The following MOB3B variants were observed in gnomAD, a reference collection of about 807,000 sequenced individuals.
MOB3B encodes the protein MOB kinase activator-like 2B.
A neutral mutation model predicts 18.7 loss-of-function variants in MOB3B; 7 were observed. The ratio of observed to expected loss-of-function variants is 0.37; its 90% CI spans 0.21 to 0.70. The LOEUF (loss-of-function observed/expected upper bound fraction) is 0.70. Among genes scored for constraint, MOB3B ranks in the 30% least tolerant of loss-of-function variants. The pLI is 0.52. For missense variants in MOB3B, 253 were observed against 281.3 expected (o/e 0.90, Z 0.72); for synonymous variants, 111 against 99.9 (o/e 1.11, Z -0.66).
chr9:27,456,799 G>A (rs528809658), intron 1 of MOB3B, among the ~76,000 whole-genome samples: 1 of 152,264 alleles, frequency 6.6e-6, no homozygotes, highest in Non-Finnish European at 1.5e-5. Flanking sequence ...GCCACATGTG[G>A]CTATTGAGCA....
chr9:27,351,861 T>G (rs1048630042), intron 3 of MOB3B, among the ~76,000 whole-genome samples: 1 of 152,196 alleles, frequency 6.6e-6, no homozygotes, highest in African/African-American at 2.4e-5. Context: ...TGGCTGGGCC[T>G]TTATGAGACA....
intron 2 of MOB3B, among the ~76,000 whole-genome samples, chr9:27,400,140 A>G (rs1821856341): frequency 6.6e-6 from 1 of 152,232 alleles, no homozygotes; most frequent in Admixed American, 6.5e-5. Context: ...AAGTGTTTTT[A>G]AAGCCTTTAT....
At chr9:27,386,995 G>A (rs1821658359) in intron 2 of MOB3B, among the ~76,000 whole-genome samples, 1 of 152,138 alleles carries the variant, frequency 6.6e-6, no homozygotes, top group African/African-American at 2.4e-5. Flanking sequence ...CGTGAACTCT[G>A]GAAATAGCAG....
At chr9:27,332,357 G>T (rs2131330028) in intron 3 of MOB3B, among the ~76,000 whole-genome samples, 1 of 152,356 alleles carries the variant, frequency 6.6e-6, no homozygotes, top group African/African-American at 2.4e-5. Context: ...GCATGTGTGT[G>T]TGTGTTTGAG....
intron 2 of MOB3B, among the ~76,000 whole-genome samples, chr9:27,442,247 A>C (rs1016302639): frequency 7.2e-5 from 11 of 152,322 alleles, no homozygotes; most frequent in Non-Finnish European, 1.6e-4. Context: ...AATTTTTAAG[A>C]ATATGAAGGG....
At chr9:27,404,841 C>G (rs1267771229) in intron 2 of MOB3B, among the ~76,000 whole-genome samples, 2 of 152,132 alleles carry the variant, frequency 1.3e-5, no homozygotes, top group African/African-American at 4.8e-5. Context: ...AACTTCTGTA[C>G]TGTTCTCCAT....
intron 3 of MOB3B, 154 bp downstream of exon 3, chr9:27,358,880 G>T: frequency 1.2e-6 from 1 of 816,270 alleles, no homozygotes; most frequent in Non-Finnish European, 2.2e-6. Flanking sequence ...GCATCTCCTG[G>T]CTGTTAGTTG....
chr9:27,509,542 G>C (rs541300602), intron 1 of MOB3B, among the ~76,000 whole-genome samples: 1 of 151,720 alleles, frequency 6.6e-6, no homozygotes, highest in African/African-American at 2.4e-5. Flanking sequence ...TCAGCCTCCC[G>C]AGTAGCTGGA....
chr9:27,442,807 T>C (rs1213844362), intron 2 of MOB3B, among the ~76,000 whole-genome samples: 1 of 152,200 alleles, frequency 6.6e-6, no homozygotes, highest in Non-Finnish European at 1.5e-5. Context: ...GCTCCTTTCA[T>C]TGCACCATCT....
At chr9:27,350,235 CAAAAAAAA>C (rs34779449) in intron 3 of MOB3B, among the ~76,000 whole-genome samples, 12 of 66,866 alleles carry the variant, frequency 1.8e-4, no homozygotes, top group African/African-American at 5.9e-4. Flanking sequence ...AAGTATATAC[CAAAAAAAA>C]AAAAAAAAAA....
chr9:27,460,849 G>A (rs896211345), intron 1 of MOB3B, among the ~76,000 whole-genome samples: 1 of 152,180 alleles, frequency 6.6e-6, no homozygotes, highest in Non-Finnish European at 1.5e-5. Context: ...CTGAATGAAT[G>A]AGTAAATGAC....
At chr9:27,514,187 C>T (rs974930784) in intron 1 of MOB3B, among the ~76,000 whole-genome samples, 4 of 151,994 alleles carry the variant, frequency 2.6e-5, no homozygotes, top group African/African-American at 9.7e-5. Context: ...CTCAATTATG[C>T]AAAATTGATA....
chr9:27,501,213 G>A (rs1396753383), intron 1 of MOB3B, among the ~76,000 whole-genome samples: 2 of 152,140 alleles, frequency 1.3e-5, no homozygotes, highest in Non-Finnish European at 2.9e-5. Context: ...AGGATCTAGA[G>A]CTAGAAATAC....
At chr9:27,441,142 A>G (rs1822589895) in intron 2 of MOB3B, among the ~76,000 whole-genome samples, 1 of 152,192 alleles carries the variant, frequency 6.6e-6, no homozygotes, top group African/African-American at 2.4e-5. Flanking sequence ...GGCCTGATTC[A>G]TGACTTCCAC....
chr9:27,506,340 C>G (rs1820058636), intron 1 of MOB3B, among the ~76,000 whole-genome samples: 1 of 152,170 alleles, frequency 6.6e-6, no homozygotes. Context: ...CTCACTTGAA[C>G]AAAACTTCCA....
At chr9:27,456,904 C>G (rs1169151951) in intron 1 of MOB3B, among the ~76,000 whole-genome samples, 1 of 152,234 alleles carries the variant, frequency 6.6e-6, no homozygotes, top group Non-Finnish European at 1.5e-5. Flanking sequence ...AGCTACCACA[C>G]TGGATGGCAC....
At chr9:27,528,261 C>T (rs1820467502) in intron 1 of MOB3B, among the ~76,000 whole-genome samples, 1 of 152,250 alleles carries the variant, frequency 6.6e-6, no homozygotes, top group African/African-American at 2.4e-5. Context: ...CAGCTTTCCG[C>T]CTACCAAAGG....
intron 1 of MOB3B, among the ~76,000 whole-genome samples, chr9:27,509,879 C>T (rs1228113932): frequency 2.0e-5 from 3 of 152,110 alleles, no homozygotes; most frequent in South Asian, 2.1e-4. Context: ...CGCGCAGCAC[C>T]GCGTCCGGCT....
intron 3 of MOB3B, chr9:27,358,798 A>G: frequency 1.4e-6 from 1 of 718,338 alleles, no homozygotes; most frequent in South Asian, 1.4e-5. Context: ...CCAAACTATT[A>G]TATTCCCACA....
Sources: gnomAD v4.1 joint callset for allele counts (sites outside exome capture counted in the v4.1 genomes callset) on GRCh38, gnomAD v4.1.1 for gene constraint, MANE v1.5 for transcripts, NCBI Gene and HGNC (gene_info 2026-07-23, HGNC 2026-07-21) for gene names.